Variants in CTCF observed in about 807,000 individuals in gnomAD.
CTCF encodes transcriptional repressor CTCF.
In CTCF, 7 loss-of-function variants were observed where a neutral mutation model predicts 72.3. That is an observed-to-expected ratio of 0.10 (90% CI 0.06 to 0.18). The LOEUF is 0.18. Ranked by LOEUF, CTCF falls within the 10% of genes least tolerant of loss-of-function variation. The probability of loss-of-function intolerance (pLI) is 1.00; values close to 1 mark genes in which losing one functional copy is unlikely to be tolerated. For missense variants in CTCF, 516 were observed against 949.1 expected (o/e 0.54, Z 6.00); for synonymous variants, 374 against 315.8 (o/e 1.18, Z -1.95).
Position 67,604,862 on chromosome 16 carries a change from A to C in CTCF, c.-9-5962A>C, listed in dbSNP as rs538083469. On this transcript the variant is annotated intron_variant, in intron 2 of 11. Transcript: ENST00000264010. The stretch of plus-strand genomic sequence containing the variant: ...TCTATTGAACAGTGCCAGCCTAGAG[A>C]ATTTATATTCTAAAGATAATCTGTC... Among the ~76,000 whole-genome samples, 7 of 150,652 alleles carry C rather than the reference A, an allele frequency of 4.6e-5. No individual in the cohort carries two copies. The South Asian group carries it at 1.5e-3, about 31-fold the overall frequency.
intron 3 of CTCF, 59 bp downstream of exon 3, chr16:67,611,672 C>T (rs1257957719): frequency 6.9e-7 from 1 of 1,453,130 alleles, no homozygotes; most frequent in African/African-American, 1.4e-5. Context: ...GCATACAACA[C>T]AGTGCATATG....
At position 67,633,611 on chromosome 16, in the gene CTCF, G is replaced by A. The variant is rs531965407; in HGVS notation, c.1838-3079G>A. 1.9e-4 allele frequency among the ~76,000 whole-genome samples: 29 copies of A among 152,116 alleles called. No homozygotes were observed. The South Asian group carries it at 5.0e-3, about 26-fold the overall frequency. On this transcript the variant is annotated intron_variant, in intron 10 of 11. Transcript: ENST00000264010. ...CTTAGTAAATAGGACCTCACAATGCGTAAGAATTTCTGGCCAGGCGTGATG... is the reference window on the plus strand; with the variant it reads ...CTTAGTAAATAGGACCTCACAATGCATAAGAATTTCTGGCCAGGCGTGATG...
chr16:67,569,717 G>T (rs2051387541), intron 1 of CTCF, among the ~76,000 whole-genome samples: 1 of 150,598 alleles, frequency 6.6e-6, no homozygotes, highest in Non-Finnish European at 1.5e-5. Flanking sequence ...ACGGAGTCTA[G>T]CTCTGTCGCC....
intron 2 of CTCF, among the ~76,000 whole-genome samples, chr16:67,589,924 T>A (rs1346843605): frequency 6.6e-6 from 1 of 151,924 alleles, no homozygotes; most frequent in Non-Finnish European, 1.5e-5. Context: ...CTATCTCTAC[T>A]AAAAATACAA....
At chr16:67,566,522 A>T (rs2051345060) in intron 1 of CTCF, among the ~76,000 whole-genome samples, 1 of 149,902 alleles carries the variant, frequency 6.7e-6, no homozygotes, top group African/African-American at 2.4e-5. Context: ...AATTAAAAAA[A>T]AAAAAAAAAA....
At chr16:67,597,549 G>C (rs1404658704) in intron 2 of CTCF, among the ~76,000 whole-genome samples, 1 of 152,108 alleles carries the variant, frequency 6.6e-6, no homozygotes, top group South Asian at 2.1e-4. Context: ...ATGTTGGCCA[G>C]GCTGGTCTTG....
chr16:67,618,814 A>G (rs1490843900), intron 5 of CTCF, among the ~76,000 whole-genome samples: 1 of 152,264 alleles, frequency 6.6e-6, no homozygotes, highest in Non-Finnish European at 1.5e-5. Context: ...TGAAATGTAC[A>G]TGAAGAAAAC....
At chr16:67,624,158 T>TATATATATATGTATTC (rs1394878742) in intron 7 of CTCF, among the ~76,000 whole-genome samples, 1 of 141,120 alleles carries the variant, frequency 7.1e-6, no homozygotes, top group Non-Finnish European at 1.6e-5. Flanking sequence ...TATATGTGTG[T>TATATATATATGTATTC]ATATATATAT....
At chr16:67,601,214 AGG>A (rs1258712175) in intron 2 of CTCF, among the ~76,000 whole-genome samples, 9 of 100,594 alleles carry the variant, frequency 8.9e-5, no homozygotes, top group East Asian at 3.8e-4. Flanking sequence ...GAATGCACTA[AGG>A]GGTGTGTGTG....
intron 2 of CTCF, among the ~76,000 whole-genome samples, chr16:67,608,002 G>A (rs1331440508): frequency 7.5e-6 from 1 of 132,916 alleles, no homozygotes; most frequent in African/African-American, 3.2e-5. Flanking sequence ...CTGGGCGACA[G>A]TGCGAGACTC....
chr16:67,625,115 G>A (rs1023294353), intron 7 of CTCF, among the ~76,000 whole-genome samples: 2 of 151,898 alleles, frequency 1.3e-5, no homozygotes, highest in Non-Finnish European at 2.9e-5. Context: ...CAGTAGAGAC[G>A]GGTTTCACTA....
intron 2 of CTCF, among the ~76,000 whole-genome samples, chr16:67,608,646 A>T (rs1458266504): frequency 6.6e-6 from 1 of 152,210 alleles, no homozygotes; most frequent in Non-Finnish European, 1.5e-5. Context: ...GTATAGCATT[A>T]TGCACTTTGA....
At chr16:67,624,107 G>GTGTGTGTA (rs2052245567) in intron 7 of CTCF, among the ~76,000 whole-genome samples, 1 of 138,702 alleles carries the variant, frequency 7.2e-6, no homozygotes. Flanking sequence ...GTGTGTGTGT[G>GTGTGTGTA]TGTGTGTGTA....
chr16:67,589,496 C>A (rs1175506547), intron 2 of CTCF, among the ~76,000 whole-genome samples: 1 of 152,088 alleles, frequency 6.6e-6, no homozygotes, highest in Non-Finnish European at 1.5e-5. Context: ...AATTCCTTTC[C>A]TTAAAGCCCT....
At chr16:67,600,864 C>T (rs1051869410) in intron 2 of CTCF, among the ~76,000 whole-genome samples, 3 of 151,866 alleles carry the variant, frequency 2.0e-5, no homozygotes, top group Non-Finnish European at 4.4e-5. Flanking sequence ...AAATTAAAAC[C>T]GCTTTGAGTG....
intron 10 of CTCF, among the ~76,000 whole-genome samples, chr16:67,636,052 C>T (rs1172989903): frequency 2.0e-5 from 3 of 151,758 alleles, no homozygotes; most frequent in African/African-American, 2.4e-5. Context: ...GCCAACATGG[C>T]GAAACCCCAT....
intron 2 of CTCF, among the ~76,000 whole-genome samples, chr16:67,610,412 G>A (rs1597712987): frequency 6.7e-6 from 1 of 149,642 alleles, no homozygotes; most frequent in East Asian, 2.0e-4. Context: ...GAGCGCAGTG[G>A]TGCAATCTCG....
intron 2 of CTCF, among the ~76,000 whole-genome samples, chr16:67,595,879 C>T (rs1025196112): frequency 1.3e-5 from 2 of 152,136 alleles, no homozygotes; most frequent in African/African-American, 4.8e-5. Flanking sequence ...CACCAATTAC[C>T]TTCAGTAGAA....
At chr16:67,608,752 T>C (rs2052013116) in intron 2 of CTCF, among the ~76,000 whole-genome samples, 1 of 152,020 alleles carries the variant, frequency 6.6e-6, no homozygotes, top group Non-Finnish European at 1.5e-5. Context: ...TTTTTCTTTT[T>C]TGAGACGGAG....
Sources: gnomAD v4.1 joint callset for allele counts (sites outside exome capture counted in the v4.1 genomes callset) on GRCh38, gnomAD v4.1.1 for gene constraint, MANE v1.5 for transcripts, NCBI Gene and HGNC (gene_info 2026-07-23, HGNC 2026-07-21) for gene names.